Variants in SORBS2 observed in about 807,000 individuals in gnomAD.
SORBS2 encodes the protein sorbin and SH3 domain containing 2.
A neutral mutation model predicts 97.7 loss-of-function variants in SORBS2; 46 were observed. The ratio of observed to expected loss-of-function variants is 0.47; its 90% CI spans 0.37 to 0.60. SORBS2 has a LOEUF of 0.60. Ranked by LOEUF, SORBS2 falls within the 20% of genes least tolerant of loss-of-function variation. The probability of loss-of-function intolerance (pLI) is 0.00; values close to 1 mark genes in which losing one functional copy is unlikely to be tolerated. For synonymous variants in SORBS2, 476 were observed against 473.4 expected, an observed-to-expected ratio of 1.01 and a Z score of -0.07; for missense variants, 1,316 against 1,282.3, an observed-to-expected ratio of 1.03 and a Z score of -0.40.
chr4:185,926,669 T>C (rs1416609670), intron 1 of SORBS2, among the ~76,000 whole-genome samples: 1 of 152,142 alleles, frequency 6.6e-6, no homozygotes, highest in Non-Finnish European at 1.5e-5. Context: ...AATTTAAATA[T>C]TGTTCTGATA....
At chr4:185,886,351 T>C (rs12508170) in intron 1 of SORBS2, among the ~76,000 whole-genome samples, 41,871 of 151,422 alleles carry the variant, frequency 0.28, 5,988 homozygotes, top group East Asian at 0.55. Context: ...GTCAGGAGAT[T>C]GAGGCCAGCC....
At chr4:185,795,564 G>GA (rs141879097) in intron 1 of SORBS2, among the ~76,000 whole-genome samples, 2 of 151,430 alleles carry the variant, frequency 1.3e-5, no homozygotes, top group Non-Finnish European at 2.9e-5. Context: ...CACAAGATGC[G>GA]AAAAAAAAGA....
chr4:185,822,242 C>A (rs2099197195), intron 1 of SORBS2, among the ~76,000 whole-genome samples: 1 of 152,304 alleles, frequency 6.6e-6, no homozygotes, highest in Non-Finnish European at 1.5e-5. Flanking sequence ...TCTAGTGTTT[C>A]CCCAGTTGGG....
intron 1 of SORBS2, among the ~76,000 whole-genome samples, chr4:185,780,687 G>T (rs2099024144): frequency 6.6e-6 from 1 of 152,200 alleles, no homozygotes; most frequent in Non-Finnish European, 1.5e-5. Context: ...CTGTTTGAAA[G>T]GAGTCAAATC....
rs983920786 is a variant in SORBS2, at chr4:185,782,333, A to G, written c.-337-6967T>C. 3.3e-5 allele frequency among the ~76,000 whole-genome samples: 5 copies of G among 152,224 alleles called. No individual in the cohort carries two copies. The East Asian group carries it at 9.6e-4, about 29-fold the overall frequency. On this transcript the variant is annotated intron_variant, in intron 1 of 20. Coordinates refer to the SORBS2 transcript ENST00000284776. ...CACTTGCTTTTCCCTTCAGGATATA[A>G]TATGTTCTGTTATCTTAATTTGCAT...
At chr4:185,674,694 T>G (rs543152218) in intron 4 of SORBS2, among the ~76,000 whole-genome samples, 1 of 152,180 alleles carries the variant, frequency 6.6e-6, no homozygotes, top group East Asian at 1.9e-4. Flanking sequence ...TCACCTCACT[T>G]ACTTCCTCTC....
chr4:185,910,556 T>C (rs571370526), intron 1 of SORBS2, among the ~76,000 whole-genome samples: 1 of 152,176 alleles, frequency 6.6e-6, no homozygotes, highest in Non-Finnish European at 1.5e-5. Context: ...TATGTGTTTG[T>C]TTGTTTTTTG....
At chr4:185,709,118 A>G (rs1376791211) in intron 2 of SORBS2, among the ~76,000 whole-genome samples, 1 of 152,134 alleles carries the variant, frequency 6.6e-6, no homozygotes, top group African/African-American at 2.4e-5. Context: ...CTCGGGTTCA[A>G]GCGATTCTCC....
chr4:185,713,993 A>T (rs1453649787), intron 2 of SORBS2, among the ~76,000 whole-genome samples: 1 of 152,192 alleles, frequency 6.6e-6, no homozygotes, highest in Non-Finnish European at 1.5e-5. Flanking sequence ...ACAGGATCTT[A>T]AACTTCAATT....
chr4:185,768,287 T>G (rs1033241114), intron 2 of SORBS2, among the ~76,000 whole-genome samples: 4 of 152,222 alleles, frequency 2.6e-5, no homozygotes, highest in African/African-American at 9.6e-5. Context: ...TTTTAAATAA[T>G]GCACAATGTT....
intron 2 of SORBS2, among the ~76,000 whole-genome samples, chr4:185,733,259 T>C (rs2098657285): frequency 6.6e-6 from 1 of 152,210 alleles, no homozygotes; most frequent in Non-Finnish European, 1.5e-5. Context: ...AAATTTGCTT[T>C]TGGGGAGATA....
intron 2 of SORBS2, among the ~76,000 whole-genome samples, chr4:185,736,907 A>G (rs2098691289): frequency 6.6e-6 from 1 of 152,148 alleles, no homozygotes; most frequent in African/African-American, 2.4e-5. Flanking sequence ...TTACCTAACA[A>G]TACCATACCT....
intron 2 of SORBS2, among the ~76,000 whole-genome samples, chr4:185,717,536 T>C (rs865850886): frequency 6.6e-6 from 1 of 152,180 alleles, no homozygotes; most frequent in African/African-American, 2.4e-5. Flanking sequence ...GTATTACACA[T>C]AGGCATGGGG....
chr4:185,662,105 G>A, exon 5 of SORBS2: 2 of 1,614,040 alleles, frequency 1.2e-6, no homozygotes, highest in East Asian at 2.2e-5. Flanking sequence ...ATTACTTACC[G>A]AGGGATGTGC....
chr4:185,632,429 G>A (rs532926623), intron 4 of SORBS2, among the ~76,000 whole-genome samples: 6 of 152,266 alleles, frequency 3.9e-5, no homozygotes, highest in South Asian at 2.1e-4. Context: ...ATGTGTACAT[G>A]GTTATTTTAA....
intron 2 of SORBS2, among the ~76,000 whole-genome samples, chr4:185,680,556 C>A (rs2097853661): frequency 1.3e-5 from 2 of 152,018 alleles, no homozygotes. Context: ...ATAAAATAGC[C>A]CAATGCTACT....
At chr4:185,653,193 C>T (rs769846761) in intron 1 of SORBS2, among the ~76,000 whole-genome samples, 2 of 152,164 alleles carry the variant, frequency 1.3e-5, no homozygotes, top group African/African-American at 2.4e-5. Flanking sequence ...ATCAGTGTGG[C>T]TCTAGAGAAA....
intron 1 of SORBS2, among the ~76,000 whole-genome samples, chr4:185,816,857 A>C (rs2099193529): frequency 6.6e-6 from 1 of 152,246 alleles, no homozygotes; most frequent in African/African-American, 2.4e-5. Flanking sequence ...TCAGCAATAA[A>C]AAACCGTTCA....
chr4:185,800,902 T>C (rs757788267), intron 1 of SORBS2, among the ~76,000 whole-genome samples: 6 of 152,222 alleles, frequency 3.9e-5, no homozygotes, highest in African/African-American at 1.4e-4. Context: ...TTTTTGTGGA[T>C]GGTAAGAACA....
Sources: allele counts gnomAD v4.1 joint callset (sites outside exome capture counted in the v4.1 genomes callset), GRCh38; gene constraint gnomAD v4.1.1; transcripts MANE v1.5; gene names NCBI Gene and HGNC (gene_info 2026-07-23, HGNC 2026-07-21).